Variants in COBL observed in about 807,000 individuals in gnomAD.
The protein encoded by COBL is cordon-bleu WH2 repeat protein.
In COBL, 51 loss-of-function variants were observed where a neutral mutation model predicts 98.8. The ratio of observed to expected loss-of-function variants is 0.52; its 90% CI spans 0.41 to 0.65. The LOEUF (loss-of-function observed/expected upper bound fraction) is 0.65, where lower values mean the gene tolerates loss of function less well. COBL is among the 30% of genes least tolerant of loss of function. COBL has a pLI of 0.00. For synonymous variants in COBL, 634 were observed against 651.7 expected, an observed-to-expected ratio of 0.97 and a Z score of 0.41; for missense variants, 1,617 against 1,617.5, an observed-to-expected ratio of 1.00 and a Z score of 0.01.
intron 9 of COBL, 62 bp from the exon 10 acceptor site, chr7:51,029,653 C>T (rs1411390784): frequency 2.9e-6 from 4 of 1,358,048 alleles, no homozygotes; most frequent in Non-Finnish European, 4.0e-6. Flanking sequence ...AGTGTAACTG[C>T]AGCCATGACT....
intron 2 of COBL, among the ~76,000 whole-genome samples, chr7:51,203,701 C>G (rs1563033098): frequency 6.6e-6 from 1 of 151,580 alleles, no homozygotes; most frequent in Non-Finnish European, 1.5e-5. Context: ...CTGAAGAGAC[C>G]AATAACAAAT....
At chr7:51,162,248 G>A (rs899109657) in intron 5 of COBL, among the ~76,000 whole-genome samples, 5 of 152,098 alleles carry the variant, frequency 3.3e-5, no homozygotes, top group African/African-American at 9.7e-5. Context: ...AGAGTCCCCC[G>A]CAGGTGTCCA....
At chr7:51,307,364 A>G (rs909659769) in intron 1 of COBL, among the ~76,000 whole-genome samples, 7 of 151,808 alleles carry the variant, frequency 4.6e-5, no homozygotes, top group African/African-American at 1.7e-4. Flanking sequence ...AAAAACAAAA[A>G]CAAAAACAAA....
intron 1 of COBL, among the ~76,000 whole-genome samples, chr7:51,311,426 G>A (rs146831443): frequency 6.6e-6 from 1 of 152,328 alleles, no homozygotes; most frequent in African/African-American, 2.4e-5. Flanking sequence ...GTCTATTGTC[G>A]CACCAGAGGA....
chr7:51,095,314 A>C (rs867428460), intron 6 of COBL, among the ~76,000 whole-genome samples: 5 of 152,210 alleles, frequency 3.3e-5, no homozygotes, highest in South Asian at 2.1e-4. Flanking sequence ...TGATTCAATG[A>C]CCTCCCATTG....
chr7:51,201,482 G>A (rs1011514663), intron 2 of COBL, among the ~76,000 whole-genome samples: 2 of 152,064 alleles, frequency 1.3e-5, no homozygotes, highest in Admixed American at 1.3e-4. Flanking sequence ...AAGGGAGAAA[G>A]AGACAGCAAT....
chr7:51,043,984 T>G (rs1228694849), intron 7 of COBL, among the ~76,000 whole-genome samples: 2 of 152,222 alleles, frequency 1.3e-5, no homozygotes, highest in South Asian at 2.1e-4. Flanking sequence ...ATTTAAAAAT[T>G]CAAACTAATG....
At chr7:51,168,399 G>A (rs1475560524) in intron 5 of COBL, among the ~76,000 whole-genome samples, 2 of 150,416 alleles carry the variant, frequency 1.3e-5, no homozygotes, top group African/African-American at 5.0e-5. Flanking sequence ...TCGCACCACT[G>A]CACTCCAGCA....
intron 1 of COBL, among the ~76,000 whole-genome samples, chr7:51,241,599 C>T (rs1344482081): frequency 6.6e-6 from 1 of 152,180 alleles, no homozygotes; most frequent in African/African-American, 2.4e-5. Flanking sequence ...AAATAAAAGT[C>T]ACTGTCATTG....
At chr7:51,026,761 G>A (rs1012029128) in intron 10 of COBL, 96 bp from the exon 11 acceptor site, 25 of 1,438,584 alleles carry the variant, frequency 1.7e-5, no homozygotes, top group South Asian at 7.5e-5. Flanking sequence ...GGCCAGGCAC[G>A]GTGGCTCATG....
intron 8 of COBL, among the ~76,000 whole-genome samples, chr7:51,037,122 T>C (rs1788727848): frequency 6.6e-6 from 1 of 152,158 alleles, no homozygotes; most frequent in Non-Finnish European, 1.5e-5. Context: ...CACATATATA[T>C]GTGTCTATTT....
chr7:51,115,676 A>G (rs1400670233), intron 6 of COBL, among the ~76,000 whole-genome samples: 1 of 152,098 alleles, frequency 6.6e-6, no homozygotes, highest in African/African-American at 2.4e-5. Flanking sequence ...TGTACTAGAA[A>G]ACAATGTGTA....
At chr7:51,195,697 A>T (rs1277547860) in intron 2 of COBL, among the ~76,000 whole-genome samples, 1 of 152,116 alleles carries the variant, frequency 6.6e-6, no homozygotes, top group Non-Finnish European at 1.5e-5. Context: ...GTCTCCTTGT[A>T]GAAATCTTTC....
chr7:51,073,179 C>A (rs916370982), intron 7 of COBL: 24 of 407,240 alleles, frequency 5.9e-5, no homozygotes, highest in Non-Finnish European at 1.0e-4. Flanking sequence ...CTCAATCAAA[C>A]AAATCTCTGT....
At position 51,271,867 on chromosome 7, in the gene COBL, T is replaced by C. The variant is rs117507376; in HGVS notation, c.41+44726A>G. ...CCAACATGGTGAAACCCCATATCTA[T>C]GAAAAATACAAAAATTATGGGCATG... On this transcript the variant is annotated intron_variant, in intron 1 of 12. Coordinates refer to ENST00000265136, the MANE Select transcript of COBL (RefSeq NM_015198.5). Among the ~76,000 whole-genome samples, 1,169 of 152,128 alleles carry C rather than the reference T, an allele frequency of 7.7e-3. 59 individuals are homozygous for C. The South Asian group carries it at 0.13, about 17-fold the overall frequency.
chr7:51,316,789 G>C lies in COBL; in HGVS notation c.-156C>G, dbSNP rs965894564. ...GGACAGCGGCGGAGCGCGGCGGACG[G>C]AAGGGGCTGGAATCGTCTCTAGCGG... is the stretch of plus-strand genomic sequence containing the variant. On this transcript the variant is annotated 5_prime_UTR_variant, in exon 1 of 13. Transcript: ENST00000265136. 1 of 508,950 alleles carries C rather than the reference G, an allele frequency of 2.0e-6. No homozygotes were observed. The highest frequency in any genetic ancestry group is 2.0e-5 in the African/African-American group (1 of 48,896). 31.5% of individuals were successfully genotyped at this position (508,950 alleles called of 1,614,324 possible). A position where few individuals can be genotyped will look rare whatever the true frequency, so the allele number is the denominator to read the frequency against.
At chr7:51,154,659 C>T (rs1213886845) in intron 5 of COBL, among the ~76,000 whole-genome samples, 1 of 152,204 alleles carries the variant, frequency 6.6e-6, no homozygotes, top group African/African-American at 2.4e-5. Context: ...GTCACTGGCA[C>T]ACATCCCAAT....
rs150404095 is a variant in COBL at position 51,245,051 on chromosome 7, G to T, written c.42-25107C>A. The stretch of plus-strand genomic sequence containing the variant: ...CAAAAGAGGAAACGCCTCCAAAGAG[G>T]AGCCCTACACCCAATGTCCCAATTT... On this transcript the variant is annotated intron_variant, in intron 1 of 12. Transcript: ENST00000265136. Among the ~76,000 whole-genome samples the T allele has an allele frequency of 6.3e-3, 954 of 152,146 alleles. 13 individuals carry two copies. The highest frequency in any genetic ancestry group is 0.022 in the African/African-American group (899 of 41,486).
chr7:51,308,052 G>C lies in COBL; in HGVS notation c.41+8541C>G, dbSNP rs541450977. On this transcript the variant is annotated intron_variant, in intron 1 of 12. Transcript: ENST00000265136. ...CCTGGTAGCTATAGACAACAAGACA[G>C]ATGGATAGGTGGGCGGACGGGAAAG... 8.5e-5 allele frequency among the ~76,000 whole-genome samples: 13 copies of C among 152,358 alleles called. 1 individual carries two copies. In the South Asian group the frequency reaches 2.7e-3, roughly 32 times the overall value.
Sources: gnomAD v4.1 joint callset for allele counts (sites outside exome capture counted in the v4.1 genomes callset) on GRCh38, gnomAD v4.1.1 for gene constraint, MANE v1.5 for transcripts, NCBI Gene and HGNC (gene_info 2026-07-23, HGNC 2026-07-21) for gene names.